GLP1R: variants seen among roughly 807,000 people sequenced by gnomAD.
GLP1R encodes the protein glucagon-like peptide 1 receptor.
In GLP1R, 32 loss-of-function variants were observed where a neutral mutation model predicts 68.4. That is an observed-to-expected ratio of 0.47 (90% CI 0.35 to 0.63). The LOEUF (loss-of-function observed/expected upper bound fraction) is 0.63. Among genes scored for constraint, GLP1R ranks in the 20% least tolerant of loss-of-function variants. The probability of loss-of-function intolerance (pLI) is 0.00; values close to 1 mark genes in which losing one functional copy is unlikely to be tolerated. For synonymous variants in GLP1R, 263 were observed against 244.4 expected (o/e 1.08, Z -0.71); for missense variants, 502 against 594.9 (o/e 0.84, Z 1.62).
At chr6:39,065,310 G>A (rs1457537244) in intron 3 of GLP1R, among the ~76,000 whole-genome samples, 2 of 152,214 alleles carry the variant, frequency 1.3e-5, no homozygotes, top group Non-Finnish European at 2.9e-5. Context: ...GGGCAGGCAC[G>A]GCTGCTGCTG....
chr6:39,076,777 G>A lies in GLP1R; in HGVS notation c.824-1545G>A, dbSNP rs553285386. On this transcript the variant is annotated intron_variant, in intron 7 of 12. Transcript: ENST00000373256. ...CTGAGGGAGGGGCCAACGGAGACGA[G>A]CATGGAGACAGCCAGTGCAGAAGGC... is the stretch of plus-strand genomic sequence containing the variant. Among the ~76,000 whole-genome samples the A allele has an allele frequency of 3.9e-5, 6 of 152,302 alleles. No homozygotes were observed. The South Asian group carries it at 1.2e-3, about 32-fold the overall frequency.
At chr6:39,068,448 A>G (rs1395973138) in intron 5 of GLP1R, among the ~76,000 whole-genome samples, 1 of 152,180 alleles carries the variant, frequency 6.6e-6, no homozygotes, top group Non-Finnish European at 1.5e-5. Flanking sequence ...GACTCTCTGT[A>G]GCGGCCCCAC....
At chr6:39,056,983 T>A (rs1323387068) in intron 2 of GLP1R, among the ~76,000 whole-genome samples, 4 of 152,112 alleles carry the variant, frequency 2.6e-5, no homozygotes, top group Non-Finnish European at 4.4e-5. Context: ...GTTCACAAGG[T>A]GGTTTAAAGA....
intron 8 of GLP1R, among the ~76,000 whole-genome samples, chr6:39,078,617 C>T (rs1165872911): frequency 6.6e-6 from 1 of 152,134 alleles, no homozygotes; most frequent in African/African-American, 2.4e-5. Flanking sequence ...ATGGTGCCCT[C>T]CTGCAGGTTT....
chr6:39,067,104 T>A (rs1768538939), intron 5 of GLP1R, among the ~76,000 whole-genome samples: 1 of 152,176 alleles, frequency 6.6e-6, no homozygotes, highest in South Asian at 2.1e-4. Context: ...ATAGTTACAC[T>A]TCTCTGGGTA....
chr6:39,078,175 A>G, intron 7 of GLP1R, 147 bp from the exon 8 acceptor site: 2 of 655,468 alleles, frequency 3.1e-6, no homozygotes, highest in Non-Finnish European at 5.5e-6. Flanking sequence ...CCAGGTGCCC[A>G]GAAAAAAACT....
intron 7 of GLP1R, among the ~76,000 whole-genome samples, chr6:39,074,758 C>T (rs1244728326): frequency 6.6e-6 from 1 of 152,166 alleles, no homozygotes; most frequent in African/African-American, 2.4e-5. Flanking sequence ...GGCTGTTCTC[C>T]ATGCAGGAAT....
chr6:39,050,780 C>T (rs996669571), intron 1 of GLP1R, among the ~76,000 whole-genome samples: 7 of 152,178 alleles, frequency 4.6e-5, no homozygotes, highest in Non-Finnish European at 8.8e-5. Flanking sequence ...AGTTACTCCC[C>T]TCATGTTGCT....
chr6:39,085,949 A>T lies in GLP1R; in HGVS notation c.1268A>T (p.Glu423Val). The T allele has an allele frequency of 6.2e-7, 1 of 1,613,852 alleles. No homozygotes were observed. The highest frequency in any genetic ancestry group is 8.5e-7 in the Non-Finnish European group (1 of 1,179,848). The change falls in exon 13 of 13, where the codon GAG becomes GTG. Residue 423 changes from glutamate to valine, a missense_variant. Transcript: ENST00000373256. Reference sequence around the variant, plus strand: ...AAGAGCTGGGAGCGCTGGCGGCTTGAGCACTTGCACATCCAGAGGGACAGC... The same window carrying T: ...AAGAGCTGGGAGCGCTGGCGGCTTGTGCACTTGCACATCCAGAGGGACAGC... Reference protein sequence around the residue: ...FRKSWERWRLEHLHIQRDSSM... With the variant: ...FRKSWERWRLVHLHIQRDSSM...
intron 6 of GLP1R, 103 bp from the exon 7 acceptor site, chr6:39,073,507 C>T: frequency 4.1e-6 from 4 of 984,538 alleles, no homozygotes; most frequent in Non-Finnish European, 6.3e-6. Flanking sequence ...TCTCCTCCTG[C>T]ATTAACCATG....
chr6:39,061,199 G>A (rs1768348846), intron 3 of GLP1R, among the ~76,000 whole-genome samples: 1 of 152,234 alleles, frequency 6.6e-6, no homozygotes, highest in Non-Finnish European at 1.5e-5. Context: ...GGATTGTGCA[G>A]AGAGAGCAGG....
At position 39,079,094 on chromosome 6, in the gene GLP1R, C is replaced by A. The variant is rs745477141; in HGVS notation, c.955-18C>A. ...GCTGGGCTGGTGCCCCCTGCCAATC[C>A]CCGGCCCCACCCCGCAGGTGAACTT... On this transcript the variant is annotated intron_variant, in intron 9 of 12. Coordinates refer to ENST00000373256, the MANE Select transcript of GLP1R (RefSeq NM_002062.5). The surrounding 1 kb of genome is among the most constrained non-coding windows in gnomAD (Gnocchi z 4.5). 6.8e-6 allele frequency: 11 copies of A among 1,612,630 alleles called. 1 individual carries two copies. The East Asian group carries it at 8.9e-5, about 13-fold the overall frequency.
chr6:39,079,771 A>G lies in GLP1R; in HGVS notation c.1182+69A>G. 1 of 1,377,084 alleles carries G rather than the reference A, an allele frequency of 7.3e-7. No individual in the cohort carries two copies. Among genetic ancestry groups the G allele is most frequent in the East Asian group, 2.3e-5 (1 of 42,798 alleles). 85.3% of individuals were successfully genotyped at this position (1,377,084 alleles called of 1,614,324 possible). ...GGGGGTGGGACAGACACCAGCCTGC[A>G]TCATGCAGATGGAAAAGGTGGGAAG... On this transcript the variant is annotated intron_variant, in intron 11 of 12. Coordinates refer to ENST00000373256, the MANE Select transcript of GLP1R (RefSeq NM_002062.5). This position sits in a 1 kb window ranked among gnomAD's most constrained non-coding sequence, Gnocchi z 4.5.
chr6:39,057,913 T>A (rs2150822528), intron 3 of GLP1R, among the ~76,000 whole-genome samples: 1 of 152,134 alleles, frequency 6.6e-6, no homozygotes, highest in East Asian at 1.9e-4. Context: ...CACCGTCCCC[T>A]GTATCGAGGA....
chr6:39,056,760 T>A (rs977660762), intron 2 of GLP1R, among the ~76,000 whole-genome samples: 7 of 152,250 alleles, frequency 4.6e-5, no homozygotes, highest in Non-Finnish European at 1.0e-4. Context: ...ATTTGGCCCT[T>A]ACTCGTTTGC....
chr6:39,069,825 A>G lies in GLP1R; in HGVS notation c.510-3037A>G, dbSNP rs150308936. On this transcript the variant is annotated intron_variant, in intron 5 of 12. Transcript: ENST00000373256. Reference sequence around the variant, plus strand: ...CTCCCCACTCTCGGTACCAATTTCTATCTTAGTCTGTGCCTGCTGTTATAA... The same window carrying G: ...CTCCCCACTCTCGGTACCAATTTCTGTCTTAGTCTGTGCCTGCTGTTATAA... 1.6e-3 allele frequency among the ~76,000 whole-genome samples: 236 copies of G among 152,222 alleles called. 1 individual carries two copies. The highest frequency in any genetic ancestry group is 7.6e-3 in the Admixed American group (116 of 15,282).
intron 4 of GLP1R, among the ~76,000 whole-genome samples, 181 bp downstream of exon 4, chr6:39,066,010 C>G (rs962466822): frequency 1.3e-5 from 2 of 152,168 alleles, no homozygotes; most frequent in African/African-American, 4.8e-5. Context: ...CCTCTCTGGC[C>G]TTGGAACAGG....
chr6:39,066,069 C>T (rs1383783740), intron 4 of GLP1R, 128 bp from the exon 5 acceptor site: 5 of 628,542 alleles, frequency 8.0e-6, no homozygotes, highest in Non-Finnish European at 1.1e-5. Context: ...TATTCTCTTT[C>T]TTGGTCTTGG....
chr6:39,077,216 A>G (rs1768854543), intron 7 of GLP1R, among the ~76,000 whole-genome samples: 1 of 152,204 alleles, frequency 6.6e-6, no homozygotes, highest in Non-Finnish European at 1.5e-5. Flanking sequence ...ACATACACAT[A>G]TAGAAACTTC....
Sources: gnomAD v4.1 joint callset for allele counts (sites outside exome capture counted in the v4.1 genomes callset) on GRCh38, gnomAD v4.1.1 for gene constraint, Gnocchi (gnomAD v3.1) non-coding constraint, MANE v1.5 for transcripts, NCBI Gene and HGNC (gene_info 2026-07-23, HGNC 2026-07-21) for gene names.